Variants in WNK1 observed in about 807,000 individuals in gnomAD.
WNK1 encodes WNK lysine deficient protein kinase 1.
A neutral mutation model predicts 222.8 loss-of-function variants in WNK1; 38 were observed. The ratio of observed to expected loss-of-function variants is 0.17; its 90% confidence interval spans 0.13 to 0.22. The LOEUF (loss-of-function observed/expected upper bound fraction) is 0.22, where lower values mean the gene tolerates loss of function less well. WNK1 is among the 10% of genes least tolerant of loss of function. The pLI, the probability that WNK1 is intolerant of heterozygous loss-of-function variation, is 1.00. For missense variants in WNK1, 2,348 were observed against 2,918.4 expected (o/e 0.80, Z 4.50); for synonymous variants, 1,090 against 1,092.9 (o/e 1.00, Z 0.05).
intron 2 of WNK1, among the ~76,000 whole-genome samples, chr12:817,328 T>C (rs1344645170): frequency 6.6e-6 from 1 of 151,898 alleles, no homozygotes; most frequent in African/African-American, 2.4e-5. Context: ...AGAGCGAGAC[T>C]CCATCTCAAA....
intron 5 of WNK1, among the ~76,000 whole-genome samples, chr12:858,166 T>C (rs1461433332): frequency 1.3e-5 from 2 of 152,090 alleles, no homozygotes; most frequent in Non-Finnish European, 2.9e-5. Flanking sequence ...AACTTTTTAC[T>C]ATAAACAAAG....
chr12:860,677 A>G (rs12821202), intron 6 of WNK1, among the ~76,000 whole-genome samples: 18,962 of 152,224 alleles, frequency 0.12, 1,479 homozygotes, highest in Middle Eastern at 0.2. Flanking sequence ...GTGAGGGGGA[A>G]ATACAGTGAA....
chr12:754,398 T>G lies in WNK1; in HGVS notation c.759+74T>G, dbSNP rs1331132557. 5 of 1,589,804 alleles carry G rather than the reference T, an allele frequency of 3.1e-6. No homozygotes were observed. The African/African-American group carries it at 5.4e-5, about 17-fold the overall frequency. The stretch of plus-strand genomic sequence containing the variant: ...GCTCGGCGAAGCCAGTTGATCGAGT[T>G]CACCCTTCACTTGGCATTCTCTGTT... On this transcript the variant is annotated intron_variant, in intron 1 of 27. Transcript: ENST00000315939.
chr12:795,303 T>G lies in WNK1; in HGVS notation c.760-18339T>G, dbSNP rs1274374211. ...CTATTCAGATTTTCCGTTGTTTTTTTTTTTTTTTTCTTGAGTCAGTTTCTG... is the reference window on the plus strand; with the variant it reads ...CTATTCAGATTTTCCGTTGTTTTTTGTTTTTTTTTCTTGAGTCAGTTTCTG... On this transcript the variant is annotated intron_variant, in intron 1 of 27. Coordinates refer to ENST00000315939, the MANE Select transcript of WNK1 (RefSeq NM_018979.4). Among the ~76,000 whole-genome samples the G allele has an allele frequency of 3.9e-5, 6 of 152,024 alleles. 1 individual carries two copies. Among genetic ancestry groups the G allele is most frequent in the African/African-American group, 1.4e-4 (6 of 41,502 alleles).
At chr12:800,287 GC>G (rs1363581260) in intron 1 of WNK1, among the ~76,000 whole-genome samples, 1 of 151,926 alleles carries the variant, frequency 6.6e-6, no homozygotes, top group African/African-American at 2.4e-5. Flanking sequence ...TCCTACTTTT[GC>G]TTTTCCTTCA....
intron 10 of WNK1, 30 bp from the exon 11 acceptor site, chr12:879,543 T>TTG: frequency 9.6e-7 from 1 of 1,046,264 alleles, no homozygotes; most frequent in Non-Finnish European, 1.5e-6. Flanking sequence ...TTTTTAAGCC[T>TTG]GTCTGTTTTG....
intron 1 of WNK1, among the ~76,000 whole-genome samples, chr12:769,443 C>A (rs2153945486): frequency 6.6e-6 from 1 of 152,300 alleles, no homozygotes; most frequent in East Asian, 1.9e-4. Context: ...CTCAAGTGAT[C>A]TTCCCGTCTC....
At chr12:905,915 C>T (rs1228450374) in intron 26 of WNK1, among the ~76,000 whole-genome samples, 10 of 152,126 alleles carry the variant, frequency 6.6e-5, no homozygotes, top group Admixed American at 6.6e-4. Flanking sequence ...CTTGCCATAG[C>T]GGTAAGAAGC....
At chr12:901,933 G>A (rs1396542623) in intron 26 of WNK1, among the ~76,000 whole-genome samples, 1 of 151,974 alleles carries the variant, frequency 6.6e-6, no homozygotes, top group Non-Finnish European at 1.5e-5. Flanking sequence ...TAGATTGCTG[G>A]GTCATTTAGA....
In WNK1 at chr12:871,295, T is replaced by C; in HGVS notation, c.2170T>C (p.Ser724Pro). The C allele has an allele frequency of 1.2e-6, 2 of 1,614,226 alleles. No individual in the cohort carries two copies. Among genetic ancestry groups the C allele is most frequent in the Non-Finnish European group, 1.7e-6 (2 of 1,180,036 alleles). Residue 724 changes from serine (S) to proline (P), a missense_variant, in exon 9 of 28, where the codon TCA becomes CCA. Around this residue, in one of 13 missense-constraint regions of WNK1, gnomAD observed 547 missense variants for 558.3 expected, o/e 0.98. Transcript: ENST00000315939. ...GGGGCAGAGCCAGGGTCAGCCATCC[T>C]CAAGTAGCTTAACAGGGGTTTCATC... ...AQGQSQGQPS[S>P]SSLTGVSSSQ...
At chr12:906,458 T>C in intron 26 of WNK1, 1 of 985,306 alleles carries the variant, frequency 1.0e-6, no homozygotes, top group African/African-American at 1.7e-5. Flanking sequence ...TTCTTGTCGC[T>C]TCTACATGGG....
chr12:861,435 GA>G (rs1201876437), intron 7 of WNK1, 92 bp downstream of exon 7: 10 of 1,174,496 alleles, frequency 8.5e-6, no homozygotes, highest in Non-Finnish European at 1.1e-5. Context: ...TTTTGGTTTT[GA>G]ATTATGAATC....
Position 859,299 on chromosome 12 carries a change from A to G in WNK1, c.1455A>G (p.Val485=). The G allele has an allele frequency of 1.9e-6, 3 of 1,613,882 alleles. No homozygotes were observed. The highest frequency in any genetic ancestry group is 2.5e-6 in the Non-Finnish European group (3 of 1,179,870). Residue 485 remains valine, a synonymous_variant, in exon 6 of 28, where the codon GTA becomes GTG. Transcript: ENST00000315939. ...NHAFFQEETG[V]RVELAEEDDG... is the part of the protein sequence containing the mutation. ...CCTTCTTCCAAGAGGAAACAGGAGT[A>G]CGGGTAGAATTAGCAGAAGAAGATG...
At chr12:906,189 C>A in intron 26 of WNK1, 1 of 577,666 alleles carries the variant, frequency 1.7e-6, no homozygotes, top group Non-Finnish European at 2.2e-6. Context: ...TCACAACTTA[C>A]TTTAGGAGCT....
chr12:828,350 A>G (rs530956459), intron 3 of WNK1, among the ~76,000 whole-genome samples: 105 of 152,156 alleles, frequency 6.9e-4, no homozygotes, highest in Non-Finnish European at 1.4e-3. Context: ...CATTTTGTGA[A>G]AATAAATATG....
Position 813,748 on chromosome 12 carries a change from C to G in WNK1, c.866C>G (p.Ser289Cys). Reference protein sequence around the residue: ...NIVRFYDSWESTVKGKKCIVL... With the variant: ...NIVRFYDSWECTVKGKKCIVL... ...GTTAGATTTTATGATTCCTGGGAAT[C>G]CACAGTAAAAGGAAAGAAGTGCATT... The change falls in exon 2 of 28, where the codon TCC becomes TGC. Residue 289 changes from serine to cysteine, a missense_variant. Physicochemically the swap from Ser to Cys is moderately radical, Grantham distance 112 (BLOSUM62 -1). Coordinates refer to ENST00000315939, the MANE Select transcript of WNK1 (RefSeq NM_018979.4). The G allele has an allele frequency of 6.2e-7, 1 of 1,613,920 alleles. No individual in the cohort carries two copies. Among genetic ancestry groups the G allele is most frequent in the Non-Finnish European group, 8.5e-7 (1 of 1,179,944 alleles).
At chr12:764,551 G>T (rs748001683) in intron 1 of WNK1, among the ~76,000 whole-genome samples, 1 of 137,364 alleles carries the variant, frequency 7.3e-6, no homozygotes, top group Admixed American at 7.6e-5. Context: ...CAGAAGAATC[G>T]CTTGAACCGG....
At chr12:864,878 A>G (rs1372320663) in intron 8 of WNK1, among the ~76,000 whole-genome samples, 3 of 152,064 alleles carry the variant, frequency 2.0e-5, no homozygotes, top group East Asian at 3.9e-4. Flanking sequence ...CATTATCATG[A>G]TCATTCATTA....
Position 869,096 on chromosome 12 carries a change from C to T in WNK1, c.2140-2169C>T, listed in dbSNP as rs1476895846. Reference sequence around the variant, plus strand: ...ATTTTCTTCAGGAGGATCTGCACTTCATCCACAGGTTATAGGAAAACTTCC... The same window carrying T: ...ATTTTCTTCAGGAGGATCTGCACTTTATCCACAGGTTATAGGAAAACTTCC... On this transcript the variant is annotated intron_variant, in intron 8 of 27. Transcript: ENST00000315939. 1.2e-6 allele frequency: 2 copies of T among 1,614,040 alleles called. No individual in the cohort carries two copies. Among genetic ancestry groups the T allele is most frequent in the Non-Finnish European group, 8.5e-7 (1 of 1,179,882 alleles).
Sources: gnomAD v4.1 joint callset for allele counts (sites outside exome capture counted in the v4.1 genomes callset) on GRCh38, gnomAD v4.1.1 for gene constraint, gnomAD v4.1.1 regional missense constraint, MANE v1.5 for transcripts, NCBI Gene and HGNC (gene_info 2026-07-23, HGNC 2026-07-21) for gene names.